HIVEP3: variants seen among roughly 807,000 people sequenced by gnomAD.
HIVEP3 encodes the protein HIVEP zinc finger 3.
A neutral mutation model predicts 152.8 loss-of-function variants in HIVEP3; 49 were observed. The ratio of observed to expected loss-of-function variants is 0.32; its 90% confidence interval spans 0.26 to 0.41. The LOEUF (loss-of-function observed/expected upper bound fraction) is 0.41. Among genes scored for constraint, HIVEP3 ranks in the 10% least tolerant of loss-of-function variants. The pLI, the probability that HIVEP3 is intolerant of heterozygous loss-of-function variation, is 1.00. For synonymous variants in HIVEP3, 1,269 were observed against 1,289.0 expected (o/e 0.98, Z 0.33); for missense variants, 2,790 against 3,103.3 (o/e 0.90, Z 2.40).
chr1:41,791,331 G>A lies in HIVEP3; in HGVS notation c.-800-90336C>T, dbSNP rs538549889. 2.0e-5 allele frequency among the ~76,000 whole-genome samples: 3 copies of A among 152,298 alleles called. No individual in the cohort carries two copies. The East Asian group carries it at 5.8e-4, about 29-fold the overall frequency. ...CCCCTTAGCACTTTGCTGAAACAGA[G>A]CATTTTGTTTTGCAAACTCCCACCT... On this transcript the variant is annotated intron_variant, in intron 1 of 8. Transcript: ENST00000372583.
rs748769414 is a variant in HIVEP3 at position 41,582,155 on chromosome 1, A to C, written c.2643T>G (p.Thr881=). ...PEPPPKEPEK[T]EEFQWPQRSQ... ...TGCGCTGGGGCCATTGGAACTCCTC[A>C]GTCTTCTCAGGTTCCTTAGGGGGCG... The change falls in exon 4 of 9, where the codon ACT becomes ACG. Residue 881 remains threonine (T), a synonymous_variant. Transcript: ENST00000372583. The surrounding 1 kb of genome is among the most constrained non-coding windows in gnomAD (Gnocchi z 4.7). 6.2e-7 allele frequency: 1 copy of C among 1,613,946 alleles called. No homozygotes were observed. The highest frequency in any genetic ancestry group is 2.2e-5 in the East Asian group (1 of 44,868).
At chr1:42,034,745 T>A (rs1645631608) in intron 1 of HIVEP3, among the ~76,000 whole-genome samples, 1 of 152,188 alleles carries the variant, frequency 6.6e-6, no homozygotes, top group African/African-American at 2.4e-5. Context: ...TATCCAAACT[T>A]ATTTAAACCT....
At position 41,580,617 on chromosome 1, in the gene HIVEP3, G is replaced by A. The variant is rs553925730; in HGVS notation, c.4181C>T (p.Pro1394Leu). The A allele has an allele frequency of 1.2e-6, 2 of 1,614,152 alleles. No individual in the cohort carries two copies. The highest frequency in any genetic ancestry group is 1.3e-5 in the African/African-American group (1 of 75,062). Residue 1394 changes from proline to leucine, a missense_variant, in exon 4 of 9, where the codon CCA becomes CTA. By Grantham distance (98) the Pro-to-Leu change is moderately conservative. Around this residue, in one of 9 missense-constraint regions of HIVEP3, gnomAD observed 1,078 missense variants for 1,165.3 expected, o/e 0.93. Transcript: ENST00000372583. ...TAATGTCACAGGCACTCTCAGGTAT[G>A]GAGTTGGGAAAGCTCTGCTTTGCTC... ...SEEQSRAFPT[P>L]YLRVPVTLPE... is the part of the protein sequence containing the mutation.
intron 1 of HIVEP3, among the ~76,000 whole-genome samples, chr1:41,938,742 G>A (rs116665044): frequency 1.8e-3 from 275 of 152,288 alleles, no homozygotes; most frequent in African/African-American, 6.3e-3. Flanking sequence ...TTTGCTTTCT[G>A]TTAGTGACAA....
rs772186685 is a variant in HIVEP3, at chr1:41,580,604, C to T, written c.4194G>A (p.Val1398=). 1 of 1,614,166 alleles carries T rather than the reference C, an allele frequency of 6.2e-7. No homozygotes were observed. The highest frequency in any genetic ancestry group is 2.2e-5 in the East Asian group (1 of 44,882). Residue 1398 remains valine (V), a synonymous_variant, in exon 4 of 9, where the codon GTG becomes GTA. Transcript: ENST00000372583. The part of the protein sequence containing the change: ...SRAFPTPYLR[V]PVTLPERKGT... ...CTTTTCTTTCAGGTAATGTCACAGG[C>T]ACTCTCAGGTATGGAGTTGGGAAAG...
At chr1:41,769,183 G>C (rs553377992) in intron 1 of HIVEP3, among the ~76,000 whole-genome samples, 1 of 152,314 alleles carries the variant, frequency 6.6e-6, no homozygotes, top group African/African-American at 2.4e-5. Context: ...TAAAACAACA[G>C]TGTATCAAAA....
At chr1:41,721,213 T>C in intron 1 of HIVEP3, among the ~76,000 whole-genome samples, 1 of 152,116 alleles carries the variant, frequency 6.6e-6, no homozygotes, top group East Asian at 1.9e-4. Flanking sequence ...AATTTTTTTT[T>C]TTTTTGAGAC....
intron 1 of HIVEP3, among the ~76,000 whole-genome samples, chr1:42,017,164 T>G (rs925024419): frequency 6.6e-6 from 1 of 152,138 alleles, no homozygotes; most frequent in African/African-American, 2.4e-5. Flanking sequence ...TCAAAGAAAT[T>G]TTTTCCAATT....
chr1:41,526,630 C>CACACACCCTCACACACCCT (rs1642938861), intron 5 of HIVEP3, among the ~76,000 whole-genome samples: 1 of 66,178 alleles, frequency 1.5e-5, no homozygotes, highest in Non-Finnish European at 3.4e-5. Context: ...TTCACCCTCA[C>CACACACCCTCACACACCCT]ACACACCCTC....
intron 1 of HIVEP3, among the ~76,000 whole-genome samples, chr1:41,759,541 C>A (rs1647530740): frequency 6.6e-6 from 1 of 152,132 alleles, no homozygotes; most frequent in African/African-American, 2.4e-5. Context: ...ATTTTCAAAT[C>A]TTTGGGGTAT....
At chr1:41,576,308 C>G (rs994581237) in intron 4 of HIVEP3, among the ~76,000 whole-genome samples, 1 of 152,210 alleles carries the variant, frequency 6.6e-6, no homozygotes, top group Non-Finnish European at 1.5e-5. Context: ...GAGACAGGCA[C>G]AGAGAGGCTG....
Position 41,747,909 on chromosome 1 carries a change from T to C in HIVEP3, c.-800-46914A>G, listed in dbSNP as rs116277263. On this transcript the variant is annotated intron_variant, in intron 1 of 8. Coordinates refer to ENST00000372583, the MANE Select transcript of HIVEP3 (RefSeq NM_024503.5). ...ATACCATTCCCTTTGACCCAGTGAT[T>C]CCACTCGGAAGCACTTGATGGTCTT... Among the ~76,000 whole-genome samples, 1,122 of 152,330 alleles carry C rather than the reference T, an allele frequency of 7.4e-3. 8 individuals are homozygous for C. The highest frequency in any genetic ancestry group is 0.024 in the African/African-American group (983 of 41,578).
intron 2 of HIVEP3, among the ~76,000 whole-genome samples, chr1:41,700,397 G>A (rs562524477): frequency 2.0e-5 from 3 of 152,266 alleles, no homozygotes; most frequent in South Asian, 2.1e-4. Flanking sequence ...AAATGCACAC[G>A]TACACATATA....
chr1:41,784,778 G>A (rs1174001345), intron 1 of HIVEP3, among the ~76,000 whole-genome samples: 3 of 152,122 alleles, frequency 2.0e-5, no homozygotes, highest in Non-Finnish European at 2.9e-5. Flanking sequence ...CCACATCTCC[G>A]TTTACATAGA....
chr1:41,526,212 AACC>A (rs1360531663), intron 5 of HIVEP3, among the ~76,000 whole-genome samples: 1 of 151,512 alleles, frequency 6.6e-6, no homozygotes, highest in Non-Finnish European at 1.5e-5. Flanking sequence ...GCAGCAACAG[AACC>A]ACCACCACCA....
intron 2 of HIVEP3, among the ~76,000 whole-genome samples, chr1:41,677,456 G>A (rs972954254): frequency 6.6e-6 from 1 of 152,180 alleles, no homozygotes; most frequent in African/African-American, 2.4e-5. Flanking sequence ...AACTTCTCTG[G>A]GCTTATCTTT....
At chr1:41,628,292 G>A (rs902257342) in intron 3 of HIVEP3, among the ~76,000 whole-genome samples, 5 of 152,158 alleles carry the variant, frequency 3.3e-5, no homozygotes, top group African/African-American at 9.7e-5. Flanking sequence ...TCTAACTCCC[G>A]TGGTGCTCCT....
At chr1:41,693,046 C>A (rs908337747) in intron 2 of HIVEP3, among the ~76,000 whole-genome samples, 4 of 152,080 alleles carry the variant, frequency 2.6e-5, no homozygotes, top group Non-Finnish European at 4.4e-5. Context: ...ATTATTATGC[C>A]CACTTTGCAG....
chr1:41,523,641 C>A (rs1418022687), intron 6 of HIVEP3, among the ~76,000 whole-genome samples: 2 of 152,144 alleles, frequency 1.3e-5, no homozygotes, highest in Admixed American at 1.3e-4. Flanking sequence ...GGTAGGGACC[C>A]TGCTGGGCCC....
Sources: allele counts gnomAD v4.1 joint callset (sites outside exome capture counted in the v4.1 genomes callset), GRCh38; gene constraint gnomAD v4.1.1; regional missense constraint gnomAD v4.1.1; non-coding constraint Gnocchi (gnomAD v3.1); transcripts MANE v1.5; gene names NCBI Gene and HGNC (gene_info 2026-07-23, HGNC 2026-07-21).